The following PLSCR2 variants were observed in gnomAD, a reference collection of about 807,000 sequenced individuals.
PLSCR2 encodes PL scramblase 2.
A neutral mutation model predicts 25.3 loss-of-function variants in PLSCR2; 18 were observed. That is an observed-to-expected ratio of 0.71 (90% CI 0.49 to 1.06). The LOEUF (loss-of-function observed/expected upper bound fraction) is 1.06. Among genes scored for constraint, PLSCR2 ranks in the 50% least tolerant of loss-of-function variants. PLSCR2 has a pLI of 0.00. For synonymous variants in PLSCR2, 88 were observed against 87.3 expected, an observed-to-expected ratio of 1.01 and a Z score of -0.04; for missense variants, 243 against 269.5, an observed-to-expected ratio of 0.90 and a Z score of 0.69.
intron 1 of PLSCR2, among the ~76,000 whole-genome samples, chr3:146,479,486 A>G (rs530372078): frequency 6.6e-6 from 1 of 152,364 alleles, no homozygotes; most frequent in African/African-American, 2.4e-5. Context: ...AGATCAAAAG[A>G]GACAAAGAAG....
chr3:146,418,624 T>G (rs2039057253), intron 2 of PLSCR2, among the ~76,000 whole-genome samples: 1 of 152,178 alleles, frequency 6.6e-6, no homozygotes, highest in Non-Finnish European at 1.5e-5. Flanking sequence ...GAAATAATCC[T>G]CTGTGGCTGT....
chr3:146,488,885 C>G (rs1576751118), intron 1 of PLSCR2, among the ~76,000 whole-genome samples: 2 of 152,192 alleles, frequency 1.3e-5, no homozygotes, highest in East Asian at 3.9e-4. Context: ...AATTGCAGCA[C>G]TATTCACAAT....
At chr3:146,471,481 T>C (rs566453365) in intron 1 of PLSCR2, among the ~76,000 whole-genome samples, 1 of 152,312 alleles carries the variant, frequency 6.6e-6, no homozygotes, top group South Asian at 2.1e-4. Context: ...CATTTTGTTA[T>C]TGTTGTTGGA....
intron 2 of PLSCR2, among the ~76,000 whole-genome samples, chr3:146,424,178 A>G (rs1187970997): frequency 6.6e-6 from 1 of 150,652 alleles, no homozygotes; most frequent in Admixed American, 6.6e-5. Context: ...GTTTCTGGTG[A>G]GAGCTCACTT....
chr3:146,406,979 G>A (rs924449098), intron 2 of PLSCR2, among the ~76,000 whole-genome samples: 1 of 152,086 alleles, frequency 6.6e-6, no homozygotes, highest in African/African-American at 2.4e-5. Context: ...TCTGCTAATT[G>A]GGCATCTCTT....
intron 1 of PLSCR2, among the ~76,000 whole-genome samples, chr3:146,470,215 C>A (rs1346826063): frequency 1.3e-5 from 2 of 152,072 alleles, no homozygotes; most frequent in African/African-American, 4.8e-5. Flanking sequence ...AACTGGCACA[C>A]CCTCATGCAA....
intron 1 of PLSCR2, among the ~76,000 whole-genome samples, chr3:146,471,077 A>G (rs1187421967): frequency 6.6e-6 from 1 of 151,706 alleles, no homozygotes; most frequent in African/African-American, 2.4e-5. Context: ...GGATTATTTT[A>G]TACAGCTCTT....
intron 1 of PLSCR2, among the ~76,000 whole-genome samples, chr3:146,478,578 G>T (rs1367020278): frequency 2.0e-5 from 3 of 152,206 alleles, no homozygotes; most frequent in Non-Finnish European, 4.4e-5. Context: ...AAGCCTCCAA[G>T]AAATATGGAG....
At chr3:146,413,954 T>C (rs2038931769) in intron 2 of PLSCR2, among the ~76,000 whole-genome samples, 1 of 152,162 alleles carries the variant, frequency 6.6e-6, no homozygotes, top group African/African-American at 2.4e-5. Flanking sequence ...GGGTAATATA[T>C]AAAGAACAGA....
rs569129299 is a variant in PLSCR2 at position 146,494,576 on chromosome 3, C to T, written c.-293+1319G>A. ...TCTTCCAGTTGTTTTGTCAAAGAAT[C>T]TCAATGTTACATTGTTGTATTATTC... On this transcript the variant is annotated intron_variant, in intron 1 of 8. Coordinates refer to the PLSCR2 transcript ENST00000336685. 5.3e-5 allele frequency: 8 copies of T among 152,154 alleles called. No homozygotes were observed. The East Asian group carries it at 1.2e-3, about 22-fold the overall frequency. 9.4% of individuals were successfully genotyped at this position (152,154 alleles called of 1,614,324 possible).
intron 4 of PLSCR2, 95 bp from the exon 5 acceptor site, chr3:146,454,258 C>T (rs1034544487): frequency 2.3e-6 from 2 of 858,800 alleles, no homozygotes; most frequent in African/African-American, 1.8e-5. Context: ...AAGTGCCAGA[C>T]ATTGTAAGTG....
chr3:146,483,100 G>C (rs2043187694), intron 1 of PLSCR2, among the ~76,000 whole-genome samples: 1 of 151,538 alleles, frequency 6.6e-6, no homozygotes, highest in Non-Finnish European at 1.5e-5. Context: ...TGACATGATT[G>C]TATATTTAGA....
downstream of PLSCR2, among the ~76,000 whole-genome samples, chr3:146,431,285 T>C (rs1355105000): frequency 4.6e-5 from 7 of 152,206 alleles, no homozygotes; most frequent in Admixed American, 4.6e-4. Context: ...TATTCTAGTA[T>C]GTTTCTATCC....
At chr3:146,459,636 A>G (rs2041438854) in intron 2 of PLSCR2, among the ~76,000 whole-genome samples, 1 of 152,242 alleles carries the variant, frequency 6.6e-6, no homozygotes, top group African/African-American at 2.4e-5. Context: ...CATAGAAAAC[A>G]ATCACCTGTG....
At chr3:146,394,371 G>A (rs139011517) in intron 3 of PLSCR2, among the ~76,000 whole-genome samples, 2,390 of 151,996 alleles carry the variant, frequency 0.016, 69 homozygotes, top group African/African-American at 0.054. Flanking sequence ...GGGTTCAAGC[G>A]ATTCTCCTGC....
At chr3:146,404,945 G>A (rs114873672) in intron 2 of PLSCR2, among the ~76,000 whole-genome samples, 1,652 of 152,122 alleles carry the variant, frequency 0.011, 21 homozygotes, top group African/African-American at 0.038. Flanking sequence ...GACATACTCA[G>A]GGTGGGGATG....
chr3:146,440,903 T>C (rs1400902893), downstream of PLSCR2, among the ~76,000 whole-genome samples: 1 of 152,202 alleles, frequency 6.6e-6, no homozygotes, highest in Non-Finnish European at 1.5e-5. Flanking sequence ...TATTTTTTAT[T>C]TCATTTACAC....
At chr3:146,441,661 G>C (rs1169374168), downstream of PLSCR2, 4 of 640,236 alleles carry the variant, frequency 6.2e-6, no homozygotes, top group Non-Finnish European at 8.3e-6. Context: ...ACTCACACAG[G>C]TGTAAGTAAT....
At chr3:146,406,874 T>C (rs560021746) in intron 2 of PLSCR2, among the ~76,000 whole-genome samples, 1 of 152,240 alleles carries the variant, frequency 6.6e-6, no homozygotes, top group East Asian at 1.9e-4. Context: ...TGGTCAGGAA[T>C]TGGATTGGGA....
Sources: gnomAD v4.1 joint callset for allele counts (sites outside exome capture counted in the v4.1 genomes callset) on GRCh38, gnomAD v4.1.1 for gene constraint, MANE v1.5 for transcripts, NCBI Gene and HGNC (gene_info 2026-07-23, HGNC 2026-07-21) for gene names.